MTMR12: variants seen among roughly 807,000 people sequenced by gnomAD.
The protein encoded by MTMR12 is myotubularin-related protein 12.
A neutral mutation model predicts 96.7 loss-of-function variants in MTMR12; 33 were observed. That is an observed-to-expected ratio of 0.34 (90% CI 0.26 to 0.46). The LOEUF is 0.46. Among genes scored for constraint, MTMR12 ranks in the 20% least tolerant of loss-of-function variants. The pLI, the probability that MTMR12 is intolerant of heterozygous loss-of-function variation, is 1.00. For synonymous variants in MTMR12, 298 were observed against 327.2 expected, an observed-to-expected ratio of 0.91 and a Z score of 0.96; for missense variants, 721 against 896.1, an observed-to-expected ratio of 0.80 and a Z score of 2.49.
intron 1 of MTMR12, among the ~76,000 whole-genome samples, chr5:32,301,119 A>G (rs901513995): frequency 6.6e-6 from 1 of 152,178 alleles, no homozygotes; most frequent in African/African-American, 2.4e-5. Flanking sequence ...ACTTGAAGCT[A>G]AACTAGGCAA....
At chr5:32,241,359 C>T (rs1388233170) in intron 12 of MTMR12, among the ~76,000 whole-genome samples, 1 of 152,206 alleles carries the variant, frequency 6.6e-6, no homozygotes, top group Non-Finnish European at 1.5e-5. Context: ...CAGAAAGATA[C>T]ATTTTCCAGG....
chr5:32,294,973 T>C (rs1023325042), intron 1 of MTMR12, among the ~76,000 whole-genome samples: 66 of 152,170 alleles, frequency 4.3e-4, no homozygotes, highest in African/African-American at 1.4e-3. Flanking sequence ...ACTAATAGAG[T>C]AGGGGCATAG....
chr5:32,253,515 C>T (rs1478715956), intron 8 of MTMR12, among the ~76,000 whole-genome samples: 1 of 152,064 alleles, frequency 6.6e-6, no homozygotes, highest in Non-Finnish European at 1.5e-5. Flanking sequence ...GTATAAATTC[C>T]ATCTTGTGTA....
chr5:32,305,834 C>G (rs1452977970), intron 1 of MTMR12, among the ~76,000 whole-genome samples: 1 of 150,718 alleles, frequency 6.6e-6, no homozygotes, highest in Non-Finnish European at 1.5e-5. Context: ...ACCCGGGAGG[C>G]GGAGGCTGTG....
At chr5:32,261,897 C>T (rs1279784706) in intron 7 of MTMR12, among the ~76,000 whole-genome samples, 1 of 152,128 alleles carries the variant, frequency 6.6e-6, no homozygotes, top group Non-Finnish European at 1.5e-5. Context: ...AGGGTGAAAC[C>T]CTGTCTCTAC....
chr5:32,302,587 C>T (rs1373580858), intron 1 of MTMR12, among the ~76,000 whole-genome samples: 2 of 151,938 alleles, frequency 1.3e-5, no homozygotes, highest in South Asian at 2.1e-4. Flanking sequence ...CATGGTGGCA[C>T]GAGCCTGTAA....
At chr5:32,283,984 A>G (rs1368271299) in intron 1 of MTMR12, among the ~76,000 whole-genome samples, 1 of 152,116 alleles carries the variant, frequency 6.6e-6, no homozygotes, top group Non-Finnish European at 1.5e-5. Flanking sequence ...TGTATGCCTG[A>G]GCAATTCTTG....
At position 32,260,067 on chromosome 5, in the gene MTMR12, G is replaced by A. The variant is rs940051910; in HGVS notation, c.713+3046C>T. On this transcript the variant is annotated intron_variant, in intron 7 of 15. Transcript: ENST00000382142. Reference sequence around the variant, plus strand: ...AAAAAAAAAAAAAAAGCGGTACCTGGGGTAAGATCCGACTGATGAAGTGGA... The same window carrying A: ...AAAAAAAAAAAAAAAGCGGTACCTGAGGTAAGATCCGACTGATGAAGTGGA... Among the ~76,000 whole-genome samples, 5 of 148,364 alleles carry A rather than the reference G, an allele frequency of 3.4e-5. No homozygotes were observed. In the South Asian group the frequency reaches 1.1e-3, roughly 31 times the overall value.
rs1259854453 is a variant in MTMR12 at position 32,248,864 on chromosome 5, G to A, written c.804C>T (p.Ser268=). The stretch of plus-strand genomic sequence containing the variant: ...TCAAAAGGGCACTTCCATTGTGGCA[G>A]GACCAACACCATATCTGTAGAAACA... ...QGHGIPIWCW[S]CHNGSALLKM... Residue 268 remains serine (S), a synonymous_variant, in exon 9 of 16, where the codon TCC becomes TCT. Transcript: ENST00000382142. 1.9e-6 allele frequency: 3 copies of A among 1,613,462 alleles called. No homozygotes were observed. The highest frequency in any genetic ancestry group is 2.7e-5 in the African/African-American group (2 of 74,888).
At chr5:32,288,247 CTGA>C (rs1750617181) in intron 1 of MTMR12, among the ~76,000 whole-genome samples, 1 of 152,178 alleles carries the variant, frequency 6.6e-6, no homozygotes, top group Non-Finnish European at 1.5e-5. Flanking sequence ...CTTGTAAACT[CTGA>C]TGAACTTTTT....
rs1747818520 is a variant in MTMR12 at position 32,228,516 on chromosome 5, A to AATATATATCATATATATGTGATAT, written c.*1261_*1262insATATCACATATATATGATATATAT. The AATATATATCATATATATGTGATAT allele has an allele frequency of 9.2e-6, 1 of 108,224 alleles. No homozygotes were observed. Among genetic ancestry groups the AATATATATCATATATATGTGATAT allele is most frequent in the Non-Finnish European group, 2.0e-5 (1 of 49,844 alleles). The allele number at this position is 108,224 out of a possible 1,614,324, so 6.7% of individuals were successfully genotyped here. On this transcript the variant is annotated 3_prime_UTR_variant, in exon 16 of 16. Transcript: ENST00000382142. ...AAGTATACTTTCCTGCATTAAAAAA[A>AATATATATCATATATATGTGATAT]ATATATATCATATATATGATATATA...
At position 32,267,377 on chromosome 5, in the gene MTMR12, G is replaced by GAAAAAAAAAAAA. The variant is rs751223074; in HGVS notation, c.583+1312_583+1323dup. ...GGCGACAGTGGGAGACTCCATCTCA[G>GAAAAAAAAAAAA]AAAAAAAAAAAAAAAAAAAGAGTAA... On this transcript the variant is annotated intron_variant, in intron 6 of 15. Transcript: ENST00000382142. Among the ~76,000 whole-genome samples, 60 of 89,922 alleles carry GAAAAAAAAAAAA rather than the reference G, an allele frequency of 6.7e-4. 1 individual carries two copies. The highest frequency in any genetic ancestry group is 2.0e-3 in the African/African-American group (45 of 22,014). The allele number at this position is 89,922 out of a possible 152,430, so 59.0% of individuals were successfully genotyped here. A position where few individuals can be genotyped will look rare whatever the true frequency, so the allele number is the denominator to read the frequency against.
chr5:32,233,636 G>A lies in MTMR12; in HGVS notation c.1674+137C>T. On this transcript the variant is annotated intron_variant, in intron 15 of 15. Transcript: ENST00000382142. The surrounding 1 kb of genome is among the most constrained non-coding windows in gnomAD (Gnocchi z 5.0). ...GGATTCTAATGGCCCTTGACAATTT[G>A]ACCATCACAAGTCTCAACTCTGCAG... 9.8e-6 allele frequency: 12 copies of A among 1,222,202 alleles called. No individual in the cohort carries two copies. The highest frequency in any genetic ancestry group is 1.4e-5 in the Non-Finnish European group (12 of 865,228). The allele number at this position is 1,222,202 out of a possible 1,614,324, so 75.7% of individuals were successfully genotyped here. A position where few individuals can be genotyped will look rare whatever the true frequency, so the allele number is the denominator to read the frequency against.
chr5:32,299,055 G>GCACA (rs1177859898), intron 1 of MTMR12, among the ~76,000 whole-genome samples: 1 of 149,002 alleles, frequency 6.7e-6, no homozygotes, highest in Non-Finnish European at 1.5e-5. Context: ...ACATGAATGC[G>GCACA]CACACACACA....
intron 1 of MTMR12, among the ~76,000 whole-genome samples, chr5:32,286,285 G>A (rs1429602519): frequency 1.3e-5 from 2 of 152,290 alleles, no homozygotes; most frequent in East Asian, 3.9e-4. Context: ...AGGCTGCAGT[G>A]AGCTGTGATT....
chr5:32,235,848 C>A (rs963748348), intron 13 of MTMR12, among the ~76,000 whole-genome samples: 14 of 152,190 alleles, frequency 9.2e-5, no homozygotes, highest in African/African-American at 3.4e-4. Context: ...CGCTTATCCT[C>A]CCTGATTAAC....
chr5:32,290,200 C>CATAT, intron 1 of MTMR12, among the ~76,000 whole-genome samples: 1 of 152,348 alleles, frequency 6.6e-6, no homozygotes, highest in Middle Eastern at 3.4e-3. Flanking sequence ...CAACAATATA[C>CATAT]CTTCACTGTC....
chr5:32,264,484 G>A (rs1033292037), intron 6 of MTMR12, among the ~76,000 whole-genome samples: 39 of 149,320 alleles, frequency 2.6e-4, no homozygotes, highest in African/African-American at 7.7e-4. Flanking sequence ...TTTTTGAGAC[G>A]GAGTCTCGCT....
chr5:32,228,534 G>GTGAT lies in MTMR12; in HGVS notation c.*1243_*1244insATCA, dbSNP rs138165258. ...TAAAAAAAATATATATCATATATAT[G>GTGAT]ATATATATATCATATATATGTGATA... On this transcript the variant is annotated 3_prime_UTR_variant, in exon 16 of 16. Coordinates refer to ENST00000382142, the MANE Select transcript of MTMR12 (RefSeq NM_001040446.3). 211 of 87,450 alleles carry GTGAT rather than the reference G, an allele frequency of 2.4e-3. 2 individuals carry two copies. Among genetic ancestry groups the GTGAT allele is most frequent in the African/African-American group, 8.3e-3 (188 of 22,574 alleles). The allele number at this position is 87,450 out of a possible 1,614,324, so 5.4% of individuals were successfully genotyped here.
Sources: allele counts gnomAD v4.1 joint callset (sites outside exome capture counted in the v4.1 genomes callset), GRCh38; gene constraint gnomAD v4.1.1; non-coding constraint Gnocchi (gnomAD v3.1); transcripts MANE v1.5; gene names NCBI Gene and HGNC (gene_info 2026-07-23, HGNC 2026-07-21).